SNTG2: variants seen among roughly 807,000 people sequenced by gnomAD.
The protein encoded by SNTG2 is gamma-2-syntrophin.
SNTG2 carries 74 observed loss-of-function variants against 70.9 expected under a neutral mutation model. That is an observed-to-expected ratio of 1.04 (90% CI 0.86 to 1.27). SNTG2 has a LOEUF of 1.27. Among genes scored for constraint, SNTG2 ranks in the 50% most tolerant of loss-of-function variants. The pLI is 0.00. For missense variants in SNTG2, 717 were observed against 690.7 expected, an observed-to-expected ratio of 1.04 and a Z score of -0.43; for synonymous variants, 278 against 273.8, an observed-to-expected ratio of 1.02 and a Z score of -0.15.
At chr2:1,363,428 A>G (rs1465324475) in intron 16 of SNTG2, among the ~76,000 whole-genome samples, 2 of 152,160 alleles carry the variant, frequency 1.3e-5, no homozygotes, top group Admixed American at 6.5e-5. Flanking sequence ...CATAGTCCCA[A>G]ATAAACTTTG....
chr2:1,202,727 G>A (rs1353446417), intron 8 of SNTG2, among the ~76,000 whole-genome samples: 1 of 152,126 alleles, frequency 6.6e-6, no homozygotes, highest in African/African-American at 2.4e-5. Flanking sequence ...TAGAAGAATG[G>A]AGAGCATGTA....
intron 9 of SNTG2, among the ~76,000 whole-genome samples, chr2:1,230,080 G>A (rs1055088922): frequency 1.3e-5 from 2 of 152,350 alleles, no homozygotes; most frequent in South Asian, 2.1e-4. Context: ...CTCAAGTGCT[G>A]CCAAGGTGGG....
At chr2:1,016,878 A>G (rs940354285) in intron 1 of SNTG2, among the ~76,000 whole-genome samples, 1 of 152,208 alleles carries the variant, frequency 6.6e-6, no homozygotes, top group Non-Finnish European at 1.5e-5. Flanking sequence ...AGCCTCTGCA[A>G]AACCAGCCAG....
intron 1 of SNTG2, among the ~76,000 whole-genome samples, chr2:1,008,322 T>G (rs1405362806): frequency 6.6e-6 from 1 of 152,240 alleles, no homozygotes; most frequent in Admixed American, 6.5e-5. Context: ...TTACATCTAT[T>G]TTATTTCACA....
intron 13 of SNTG2, among the ~76,000 whole-genome samples, chr2:1,266,189 G>GAC (rs1211600041): frequency 6.6e-6 from 1 of 152,076 alleles, no homozygotes; most frequent in African/African-American, 2.4e-5. Flanking sequence ...GAGAGAGAGA[G>GAC]AGACAGACAG....
intron 14 of SNTG2, among the ~76,000 whole-genome samples, chr2:1,293,436 AG>A (rs1172379452): frequency 6.6e-6 from 1 of 151,248 alleles, no homozygotes; most frequent in Non-Finnish European, 1.5e-5. Context: ...TAGTTTCTTA[AG>A]GTTAAAAGTT....
intron 1 of SNTG2, among the ~76,000 whole-genome samples, chr2:998,084 T>C (rs79320439): frequency 0.33 from 50,889 of 152,062 alleles, 8,781 homozygotes; most frequent in Middle Eastern, 0.46. Flanking sequence ...ATCTTTGCCA[T>C]TGAAGGCACC....
At chr2:1,215,396 T>C (rs1422662809) in intron 9 of SNTG2, among the ~76,000 whole-genome samples, 1 of 152,196 alleles carries the variant, frequency 6.6e-6, no homozygotes, top group Non-Finnish European at 1.5e-5. Context: ...GATTTATTAT[T>C]TTTGTTAATT....
At chr2:1,244,862 A>G (rs1355823589) in intron 11 of SNTG2, among the ~76,000 whole-genome samples, 5 of 152,098 alleles carry the variant, frequency 3.3e-5, no homozygotes, top group Non-Finnish European at 7.4e-5. Context: ...TGCTGCAGTT[A>G]TCCAGCAGCC....
intron 9 of SNTG2, among the ~76,000 whole-genome samples, chr2:1,225,559 G>T (rs1675714727): frequency 6.6e-6 from 1 of 152,116 alleles, no homozygotes; most frequent in Non-Finnish European, 1.5e-5. Context: ...TGCTTTTGTG[G>T]TTCTGTAAAG....
At chr2:1,291,616 T>C (rs2148222028) in intron 14 of SNTG2, among the ~76,000 whole-genome samples, 1 of 152,340 alleles carries the variant, frequency 6.6e-6, no homozygotes, top group East Asian at 1.9e-4. Context: ...CTTTCTCCAT[T>C]GAATGGTCTT....
intron 1 of SNTG2, among the ~76,000 whole-genome samples, chr2:981,694 TATACAC>T (rs1661103041): frequency 6.6e-6 from 1 of 152,052 alleles, no homozygotes; most frequent in African/African-American, 2.4e-5. Context: ...AGTGCACACA[TATACAC>T]ATGCACACAC....
At chr2:1,351,217 A>G (rs1257610821) in intron 16 of SNTG2, among the ~76,000 whole-genome samples, 1 of 151,992 alleles carries the variant, frequency 6.6e-6, no homozygotes, top group African/African-American at 2.4e-5. Context: ...TGCTTTGTGA[A>G]AGCAGCTTTC....
intron 1 of SNTG2, among the ~76,000 whole-genome samples, chr2:1,004,541 A>G (rs139240195): frequency 1.3e-5 from 2 of 152,160 alleles, no homozygotes; most frequent in Non-Finnish European, 2.9e-5. Flanking sequence ...AGATCTGCAG[A>G]TGGCAGATAA....
At position 1,222,037 on chromosome 2, in the gene SNTG2, GTCTCTCTCTGTCTC is replaced by G. The variant is rs1217581910; in HGVS notation, c.719+12813_719+12826del. 3.3e-3 allele frequency among the ~76,000 whole-genome samples: 13 copies of G among 3,980 alleles called. 3 individuals carry two copies. In the East Asian group the frequency reaches 0.056, roughly 17 times the overall value. The allele number at this position is 3,980 out of a possible 152,430, so 2.6% of individuals were successfully genotyped here. ...TCTCTCTCTGTCTCTGCCTATCTCTGTCTCTCTCTGTCTCTCTCTGTCTCTGTTTCTCTCTGTCT... is the reference window on the plus strand; with the variant it reads ...TCTCTCTCTGTCTCTGCCTATCTCTGTCTCTGTCTCTGTTTCTCTCTGTCT... On this transcript the variant is annotated intron_variant, in intron 9 of 16. Coordinates refer to ENST00000308624, the MANE Select transcript of SNTG2 (RefSeq NM_018968.4).
intron 16 of SNTG2, among the ~76,000 whole-genome samples, chr2:1,320,874 C>A (rs577315629): frequency 2.6e-5 from 4 of 152,288 alleles, no homozygotes; most frequent in South Asian, 2.1e-4. Context: ...GAGGCCCCCC[C>A]ATGTTTCTGT....
At chr2:1,080,076 C>T (rs1441836245) in intron 1 of SNTG2, among the ~76,000 whole-genome samples, 3 of 152,120 alleles carry the variant, frequency 2.0e-5, no homozygotes, top group East Asian at 1.9e-4. Flanking sequence ...GAGAGCCCCA[C>T]GGGTCCCCCA....
chr2:1,286,990 AG>A (rs1230551927), intron 14 of SNTG2, among the ~76,000 whole-genome samples: 1 of 152,128 alleles, frequency 6.6e-6, no homozygotes, highest in East Asian at 1.9e-4. Context: ...TTTCAGAATG[AG>A]GGGGCTGGTG....
intron 4 of SNTG2, among the ~76,000 whole-genome samples, chr2:1,100,410 G>T (rs571951473): frequency 8.9e-4 from 135 of 152,324 alleles, no homozygotes; most frequent in Non-Finnish European, 1.4e-3. Flanking sequence ...CTCCCAAAGT[G>T]CTGGGATTAC....
Sources: gnomAD v4.1 joint callset for allele counts (sites outside exome capture counted in the v4.1 genomes callset) on GRCh38, gnomAD v4.1.1 for gene constraint, MANE v1.5 for transcripts, NCBI Gene and HGNC (gene_info 2026-07-23, HGNC 2026-07-21) for gene names.